Variants in EHMT1 observed in about 807,000 individuals in gnomAD.
EHMT1 encodes histone-lysine N-methyltransferase EHMT1.
A neutral mutation model predicts 147.2 loss-of-function variants in EHMT1; 15 were observed. The ratio of observed to expected loss-of-function variants is 0.10; its 90% confidence interval spans 0.07 to 0.16. The LOEUF is 0.16. EHMT1 is among the 10% of genes least tolerant of loss of function. EHMT1 has a pLI of 1.00. For synonymous variants in EHMT1, 795 were observed against 709.6 expected, an observed-to-expected ratio of 1.12 and a Z score of -1.91; for missense variants, 1,587 against 1,772.4, an observed-to-expected ratio of 0.90 and a Z score of 1.88.
intron 1 of EHMT1, among the ~76,000 whole-genome samples, chr9:137,635,737 A>C (rs555847356): frequency 2.8e-4 from 42 of 150,538 alleles, no homozygotes; most frequent in Non-Finnish European, 4.6e-4. Context: ...GGAGAATGGC[A>C]TGAACCTGGG....
At chr9:137,746,514 T>G (rs1948554179) in intron 6 of EHMT1, 1 of 152,248 alleles carries the variant, frequency 6.6e-6, no homozygotes, top group East Asian at 1.9e-4. Context: ...GATAAAAACC[T>G]TTCTCACTGT....
chr9:137,757,504 A>C (rs1468406560), intron 8 of EHMT1, among the ~76,000 whole-genome samples: 1 of 152,202 alleles, frequency 6.6e-6, no homozygotes, highest in Non-Finnish European at 1.5e-5. Flanking sequence ...TTTCTGTTTT[A>C]TTTAAAAATA....
intron 4 of EHMT1, among the ~76,000 whole-genome samples, chr9:137,741,130 CCT>C (rs1948037660): frequency 6.6e-6 from 1 of 152,102 alleles, no homozygotes; most frequent in South Asian, 2.1e-4. Context: ...GCGCCCGCCA[CCT>C]TGGCCGGCTA....
chr9:137,725,164 T>G (rs1282458636), intron 3 of EHMT1, among the ~76,000 whole-genome samples: 1 of 147,996 alleles, frequency 6.8e-6, no homozygotes, highest in Admixed American at 6.7e-5. Flanking sequence ...GCGTGTGGCA[T>G]TCGTGTGGCA....
chr9:137,742,440 A>T (rs1374781336), intron 4 of EHMT1, among the ~76,000 whole-genome samples: 2 of 152,018 alleles, frequency 1.3e-5, no homozygotes, highest in Non-Finnish European at 2.9e-5. Flanking sequence ...TTCAGGTGTG[A>T]GCTGCTGTGC....
intron 1 of EHMT1, among the ~76,000 whole-genome samples, chr9:137,662,547 T>C (rs1256611997): frequency 2.0e-5 from 3 of 152,138 alleles, no homozygotes; most frequent in Non-Finnish European, 4.4e-5. Context: ...TTGCCCAGGC[T>C]GTAGTGTAGT....
At chr9:137,764,675 C>T (rs1950099103) in intron 10 of EHMT1, 1 of 152,206 alleles carries the variant, frequency 6.6e-6, no homozygotes, top group Admixed American at 6.5e-5. Context: ...AGTGCCTAGT[C>T]CATGGTCAAA....
In EHMT1 at chr9:137,728,386, C is replaced by A. The variant is rs541099226; in HGVS notation, c.680C>A (p.Ala227Asp). 1.2e-6 allele frequency: 2 copies of A among 1,614,196 alleles called. No individual in the cohort carries two copies. The highest frequency in any genetic ancestry group is 4.5e-5 in the East Asian group (2 of 44,888). ...ASKDPREVRE[A>D]RDHKEPKEEI... The stretch of plus-strand genomic sequence containing the variant: ...AAAGATCCCAGAGAAGTTCGAGAAG[C>A]TAGAGATCATAAGGAACCAAAAGAG... The change falls in exon 4 of 27, where the codon GCT becomes GAT. Residue 227 changes from alanine (A) to aspartate (D), a missense_variant. Around this residue, in one of 7 missense-constraint regions of EHMT1, gnomAD observed 810 missense variants for 673.0 expected, o/e 1.20. Transcript: ENST00000460843.
At chr9:137,722,305 G>A (rs1946140545) in intron 3 of EHMT1, among the ~76,000 whole-genome samples, 1 of 152,214 alleles carries the variant, frequency 6.6e-6, no homozygotes, top group Non-Finnish European at 1.5e-5. Flanking sequence ...GCTTATTTAA[G>A]TGATCGCTTT....
Position 137,813,027 on chromosome 9 carries a change from A to C in EHMT1, c.2889A>C (p.Ser963=). Residue 963 remains serine, a synonymous_variant, in exon 20 of 27, where the codon TCA becomes TCC. Transcript: ENST00000460843. The surrounding 1 kb of genome is among the most constrained non-coding windows in gnomAD (Gnocchi z 4.9). ...DCVVLFLSRD[S]DVTLKNKEGE... ...TTAGCCTCTTTCTTTCTCGGGATTC[A>C]GATGTCACCTTAAAGAACAAGGAAG... The C allele has an allele frequency of 6.2e-7, 1 of 1,614,086 alleles. No homozygotes were observed. The highest frequency in any genetic ancestry group is 1.1e-5 in the South Asian group (1 of 91,074).
chr9:137,626,927 C>G (rs1421390369), intron 1 of EHMT1, among the ~76,000 whole-genome samples: 1 of 151,646 alleles, frequency 6.6e-6, no homozygotes, highest in Non-Finnish European at 1.5e-5. Flanking sequence ...GGATTACAGG[C>G]GTGCACTACC....
At chr9:137,657,816 A>ACT (rs1300591226) in intron 1 of EHMT1, among the ~76,000 whole-genome samples, 7 of 148,306 alleles carry the variant, frequency 4.7e-5, no homozygotes, top group African/African-American at 1.7e-4. Flanking sequence ...CCTCCACTCC[A>ACT]CTGCCCTTCC....
In EHMT1 at chr9:137,814,415, G is replaced by C. The variant is rs372064807; in HGVS notation, c.3181-16G>C. On this transcript the variant is annotated splice_polypyrimidine_tract_variant and intron_variant, in intron 21 of 26. Coordinates refer to ENST00000460843, the MANE Select transcript of EHMT1 (RefSeq NM_024757.5). ...CTGTGCCTGCACGTCTGACCCCCCG[G>C]CGCCTCTCTTCTCAGTACTGCGTGT... The C allele has an allele frequency of 1.2e-6, 2 of 1,611,604 alleles. No homozygotes were observed. The highest frequency in any genetic ancestry group is 2.7e-5 in the African/African-American group (2 of 74,920).
chr9:137,678,994 C>T (rs749397943), intron 1 of EHMT1, among the ~76,000 whole-genome samples: 28 of 152,126 alleles, frequency 1.8e-4, no homozygotes, highest in Non-Finnish European at 2.9e-4. Context: ...GGCTCTGTCG[C>T]CCAGGCTGGA....
chr9:137,716,572 G>A, intron 2 of EHMT1, 54 bp from the exon 3 acceptor site: 4 of 1,505,436 alleles, frequency 2.7e-6, no homozygotes, highest in Non-Finnish European at 3.6e-6. Context: ...TGGTGGTGGT[G>A]GTGCCATGGA....
intron 4 of EHMT1, among the ~76,000 whole-genome samples, chr9:137,736,249 A>G (rs769478683): frequency 3.9e-5 from 6 of 152,384 alleles, no homozygotes; most frequent in Admixed American, 1.3e-4. Context: ...AAAAGTTTCA[A>G]TACAATAAGA....
intron 26 of EHMT1, 71 bp downstream of exon 26, chr9:137,834,595 C>T: frequency 1.2e-6 from 2 of 1,601,380 alleles, no homozygotes. Context: ...GCTCGCATTG[C>T]TTTCCTGGGC....
intron 10 of EHMT1, among the ~76,000 whole-genome samples, chr9:137,768,756 T>C (rs1461254676): frequency 2.0e-5 from 3 of 151,460 alleles, no homozygotes; most frequent in Non-Finnish European, 2.9e-5. Context: ...TCACCGTTTT[T>C]AGCCGGGATG....
At chr9:137,627,258 ATTTTTTT>A (rs1196958635) in intron 1 of EHMT1, among the ~76,000 whole-genome samples, 2,211 of 113,846 alleles carry the variant, frequency 0.019, 40 homozygotes, top group Middle Eastern at 0.092. Context: ...ATGCCTGGCC[ATTTTTTT>A]TTTTTTTTTT....
Sources: allele counts gnomAD v4.1 joint callset (sites outside exome capture counted in the v4.1 genomes callset), GRCh38; gene constraint gnomAD v4.1.1; regional missense constraint gnomAD v4.1.1; non-coding constraint Gnocchi (gnomAD v3.1); transcripts MANE v1.5; gene names NCBI Gene and HGNC (gene_info 2026-07-23, HGNC 2026-07-21).